The following ZNF438 variants were observed in gnomAD, a reference collection of about 807,000 sequenced individuals.
ZNF438 encodes the protein zinc finger protein 438.
ZNF438 carries 25 observed loss-of-function variants against 38.0 expected under a neutral mutation model. The ratio of observed to expected loss-of-function variants is 0.66; its 90% CI spans 0.48 to 0.92. The LOEUF is 0.92. Among genes scored for constraint, ZNF438 ranks in the 40% least tolerant of loss-of-function variants. The pLI, the probability that ZNF438 is intolerant of heterozygous loss-of-function variation, is 0.00. For synonymous variants in ZNF438, 372 were observed against 364.1 expected (o/e 1.02, Z -0.25); for missense variants, 1,007 against 999.6 (o/e 1.01, Z -0.10).
At chr10:30,980,617 T>A (rs894056170) in intron 1 of ZNF438, among the ~76,000 whole-genome samples, 1 of 152,198 alleles carries the variant, frequency 6.6e-6, no homozygotes, top group East Asian at 1.9e-4. Context: ...AATGGAGATG[T>A]TGAAAAGACA....
chr10:30,922,768 G>T (rs145956278), intron 2 of ZNF438, among the ~76,000 whole-genome samples: 2,185 of 151,858 alleles, frequency 0.014, 60 homozygotes, highest in African/African-American at 0.05. Flanking sequence ...CAGAGAGGTG[G>T]AAGTTGCAGT....
intron 3 of ZNF438, among the ~76,000 whole-genome samples, chr10:30,901,119 G>C (rs1448138324): frequency 6.6e-6 from 1 of 152,124 alleles, no homozygotes; most frequent in Non-Finnish European, 1.5e-5. Flanking sequence ...TAATAATCAG[G>C]AAGTCGCCTT....
At chr10:30,931,173 T>C (rs2045651834) in intron 2 of ZNF438, among the ~76,000 whole-genome samples, 1 of 152,192 alleles carries the variant, frequency 6.6e-6, no homozygotes, top group Non-Finnish European at 1.5e-5. Context: ...TCTCTTTCTG[T>C]TGAGATTGCT....
intron 1 of ZNF438, among the ~76,000 whole-genome samples, chr10:30,944,476 T>C (rs933750860): frequency 5.3e-5 from 8 of 152,110 alleles, no homozygotes; most frequent in Non-Finnish European, 8.8e-5. Flanking sequence ...AGTAAATAAA[T>C]AGAAAGTAGT....
At chr10:30,976,331 CAT>C (rs2051341563) in intron 1 of ZNF438, among the ~76,000 whole-genome samples, 1 of 152,212 alleles carries the variant, frequency 6.6e-6, no homozygotes, top group South Asian at 2.1e-4. Context: ...TTTTAGGAAA[CAT>C]ATCTAAAAGT....
intron 4 of ZNF438, 118 bp from the exon 6 acceptor site, chr10:30,850,485 C>A (rs2033397138): frequency 1.0e-5 from 12 of 1,170,036 alleles, no homozygotes; most frequent in African/African-American, 1.5e-5. Flanking sequence ...TACCTCCAAG[C>A]CTTCTGGGCA....
intron 1 of ZNF438, among the ~76,000 whole-genome samples, chr10:30,993,710 G>T (rs538157233): frequency 6.6e-6 from 1 of 152,240 alleles, no homozygotes; most frequent in Non-Finnish European, 1.5e-5. Flanking sequence ...TGTGGGAGCA[G>T]GAATGCTGCT....
intron 2 of ZNF438, among the ~76,000 whole-genome samples, chr10:30,931,451 C>T (rs970561503): frequency 1.3e-5 from 2 of 152,204 alleles, no homozygotes; most frequent in African/African-American, 4.8e-5. Context: ...ATCATTGAAT[C>T]TAAATGTTCC....
rs995653314 is a variant in ZNF438 at position 30,886,533 on chromosome 10, G to C, written c.-31-9468C>G. 2.6e-5 allele frequency among the ~76,000 whole-genome samples: 4 copies of C among 152,220 alleles called. No individual in the cohort carries two copies. The East Asian group carries it at 7.7e-4, about 29-fold the overall frequency. The stretch of plus-strand genomic sequence containing the variant: ...GAATACACCTAACCTACCAAACGTC[G>C]TAACTTAGCCTACCTTAAACATGCT... On this transcript the variant is annotated intron_variant, in intron 3 of 5. Coordinates refer to ENST00000413025, the Ensembl canonical transcript of ZNF438.
rs762124657 is a variant in ZNF438, at chr10:30,849,935, G to A, written c.470C>T (p.Pro157Leu). 6.2e-7 allele frequency: 1 copy of A among 1,614,058 alleles called. No individual in the cohort carries two copies. The highest frequency in any genetic ancestry group is 1.3e-5 in the African/African-American group (1 of 74,920). The change falls in exon 5 of 6, where the codon CCT (proline) becomes CTT (leucine). Residue 157 changes from proline (P) to leucine (L), a missense_variant. Pro to Leu is a moderately conservative substitution (Grantham distance 98). Coordinates refer to ENST00000413025, the Ensembl canonical transcript of ZNF438. ...GTGAGGTGGGGAAGGGGACATCTGA[G>A]GACACATTTGGGTTTGGGCAGGAGC...
At position 30,961,787 on chromosome 10, in the gene ZNF438, C is replaced by G. The variant is rs1316702863; in HGVS notation, c.-191-20136G>C. On this transcript the variant is annotated intron_variant, in intron 1 of 5. Coordinates refer to ENST00000413025, the Ensembl canonical transcript of ZNF438. ...CCTGTGATCCTAGCTACTCAGGAGG[C>G]TGAGGCAGCAGAATCGCTTGAACCC... 2.8e-5 allele frequency among the ~76,000 whole-genome samples: 4 copies of G among 144,686 alleles called. 1 individual carries two copies. The Admixed American group carries it at 2.8e-4, about 10-fold the overall frequency. The allele number at this position is 144,686 out of a possible 152,430, so 94.9% of individuals were successfully genotyped here. A position where few individuals can be genotyped will look rare whatever the true frequency, so the allele number is the denominator to read the frequency against.
At chr10:30,999,842 G>C (rs1039774409) in intron 1 of ZNF438, among the ~76,000 whole-genome samples, 10 of 152,128 alleles carry the variant, frequency 6.6e-5, no homozygotes, top group Admixed American at 6.5e-4. Flanking sequence ...TTTACACCTA[G>C]AGATTGTTCA....
chr10:30,974,170 C>G (rs1035218525), intron 1 of ZNF438, among the ~76,000 whole-genome samples: 1 of 152,132 alleles, frequency 6.6e-6, no homozygotes, highest in Non-Finnish European at 1.5e-5. Flanking sequence ...AAGTTTTCTC[C>G]AGGAAAAAAT....
At chr10:30,929,801 C>T (rs994614329) in intron 2 of ZNF438, among the ~76,000 whole-genome samples, 1 of 152,098 alleles carries the variant, frequency 6.6e-6, no homozygotes, top group Non-Finnish European at 1.5e-5. Context: ...CATAAAAGTT[C>T]TCCAAGTCCC....
chr10:30,851,465 A>G (rs2033615061), intron 4 of ZNF438, among the ~76,000 whole-genome samples: 1 of 152,268 alleles, frequency 6.6e-6, no homozygotes. Flanking sequence ...TATTCCAATC[A>G]TTATCCCAGG....
At chr10:30,929,985 A>G in intron 2 of ZNF438, among the ~76,000 whole-genome samples, 1 of 152,216 alleles carries the variant, frequency 6.6e-6, no homozygotes, top group Non-Finnish European at 1.5e-5. Flanking sequence ...CTGACTCAGG[A>G]GCCCATCTGG....
At chr10:30,899,992 A>G (rs2041799853) in intron 3 of ZNF438, among the ~76,000 whole-genome samples, 1 of 152,208 alleles carries the variant, frequency 6.6e-6, no homozygotes, top group Non-Finnish European at 1.5e-5. Flanking sequence ...GACATAACTG[A>G]TAACTCCACA....
intron 3 of ZNF438, among the ~76,000 whole-genome samples, chr10:30,888,344 A>AACACACACACACACACACACACAC (rs140506626): frequency 0.031 from 4,626 of 147,330 alleles, 91 homozygotes; most frequent in Middle Eastern, 0.055. Flanking sequence ...TAATATTATA[A>AACACACACACACACACACACACAC]ACACACACAC....
chr10:30,915,028 C>A (rs2043458387), intron 2 of ZNF438, among the ~76,000 whole-genome samples: 1 of 151,890 alleles, frequency 6.6e-6, no homozygotes, highest in Non-Finnish European at 1.5e-5. Flanking sequence ...GAACTTTAAA[C>A]CTACAATTCT....
Sources: allele counts gnomAD v4.1 joint callset (sites outside exome capture counted in the v4.1 genomes callset), GRCh38; gene constraint gnomAD v4.1.1; transcripts MANE v1.5; gene names NCBI Gene and HGNC (gene_info 2026-07-23, HGNC 2026-07-21).